CSGALNACT1: variants seen among roughly 807,000 people sequenced by gnomAD.
CSGALNACT1 encodes the protein beta4GalNAcT-1.
A neutral mutation model predicts 51.0 loss-of-function variants in CSGALNACT1; 52 were observed. That is an observed-to-expected ratio of 1.02 (90% CI 0.82 to 1.29). CSGALNACT1 has a LOEUF of 1.29. CSGALNACT1 is among the 50% of genes most tolerant of loss of function. CSGALNACT1 has a pLI of 0.00. For missense variants in CSGALNACT1, 935 were observed against 679.2 expected (o/e 1.38, Z -4.19); for synonymous variants, 341 against 254.4 (o/e 1.34, Z -3.24).
chr8:19,682,538 G>A (rs1046227847), exon 1 of CSGALNACT1: 24 of 426,072 alleles, frequency 5.6e-5, no homozygotes, highest in African/African-American at 2.4e-4. Flanking sequence ...GGTCTTTCCC[G>A]GTCTTTGCTG....
At chr8:19,533,826 T>A (rs1213816201) in intron 3 of CSGALNACT1, among the ~76,000 whole-genome samples, 1 of 152,148 alleles carries the variant, frequency 6.6e-6, no homozygotes, top group Non-Finnish European at 1.5e-5. Context: ...ACATATGCAG[T>A]CTAATTGGGA....
At chr8:19,420,826 G>T (rs546912303) in intron 6 of CSGALNACT1, among the ~76,000 whole-genome samples, 1 of 152,114 alleles carries the variant, frequency 6.6e-6, no homozygotes, top group Non-Finnish European at 1.5e-5. Context: ...ACTTGAACCA[G>T]GTAAGACTAG....
At chr8:19,449,141 T>C (rs2062641170) in intron 5 of CSGALNACT1, among the ~76,000 whole-genome samples, 1 of 152,178 alleles carries the variant, frequency 6.6e-6, no homozygotes, top group Non-Finnish European at 1.5e-5. Context: ...CATTTCAAAA[T>C]AGAAAATGAG....
intron 3 of CSGALNACT1, among the ~76,000 whole-genome samples, chr8:19,552,704 A>C (rs540107697): frequency 1.8e-4 from 28 of 152,308 alleles, no homozygotes; most frequent in South Asian, 6.2e-4. Context: ...TGATGTTTTC[A>C]ATTTTTCTTT....
At chr8:19,412,274 G>C (rs942877855) in intron 8 of CSGALNACT1, among the ~76,000 whole-genome samples, 1 of 152,214 alleles carries the variant, frequency 6.6e-6, no homozygotes, top group Admixed American at 6.5e-5. Context: ...TGTCAGCCCT[G>C]CTCTCTCACA....
intron 3 of CSGALNACT1, among the ~76,000 whole-genome samples, chr8:19,543,326 C>G (rs1403780924): frequency 6.6e-6 from 1 of 152,210 alleles, no homozygotes; most frequent in African/African-American, 2.4e-5. Context: ...AAAGTGTTAA[C>G]ATAGCACGCC....
intron 3 of CSGALNACT1, among the ~76,000 whole-genome samples, chr8:19,558,969 T>C (rs1192387639): frequency 1.3e-5 from 2 of 152,204 alleles, no homozygotes; most frequent in African/African-American, 4.8e-5. Context: ...CAAAGGAAGA[T>C]CATTTCCAAA....
intron 4 of CSGALNACT1, among the ~76,000 whole-genome samples, chr8:19,499,469 A>T (rs2076048157): frequency 6.6e-6 from 1 of 152,234 alleles, no homozygotes; most frequent in Non-Finnish European, 1.5e-5. Flanking sequence ...AATAAATAAT[A>T]AAAACAAACA....
At chr8:19,592,433 G>A (rs1217345515) in intron 2 of CSGALNACT1, among the ~76,000 whole-genome samples, 5 of 152,130 alleles carry the variant, frequency 3.3e-5, no homozygotes, top group Admixed American at 3.3e-4. Context: ...ACATGAGGGG[G>A]AACAAAGAGA....
At chr8:19,429,641 A>G (rs1266969262) in intron 6 of CSGALNACT1, among the ~76,000 whole-genome samples, 3 of 152,126 alleles carry the variant, frequency 2.0e-5, no homozygotes, top group Admixed American at 2.0e-4. Flanking sequence ...TAGATATTTG[A>G]GTTGTTTCTA....
At chr8:19,752,492 T>C (rs1202650556) in intron 1 of CSGALNACT1, among the ~76,000 whole-genome samples, 1 of 152,182 alleles carries the variant, frequency 6.6e-6, no homozygotes. Flanking sequence ...GAAACAGAAG[T>C]AGAAAGTCAC....
intron 4 of CSGALNACT1, among the ~76,000 whole-genome samples, chr8:19,468,405 T>C (rs928344578): frequency 6.6e-6 from 1 of 152,134 alleles, no homozygotes; most frequent in Non-Finnish European, 1.5e-5. Context: ...GGTCACATCA[T>C]GTGGATCCCC....
At chr8:19,549,023 C>A (rs971466828) in intron 3 of CSGALNACT1, among the ~76,000 whole-genome samples, 15 of 152,086 alleles carry the variant, frequency 9.9e-5, no homozygotes, top group African/African-American at 3.6e-4. Context: ...CACTATGTTG[C>A]CCATGTTGGT....
chr8:19,465,528 T>C (rs888708376), intron 4 of CSGALNACT1, among the ~76,000 whole-genome samples: 4 of 152,230 alleles, frequency 2.6e-5, no homozygotes, highest in Non-Finnish European at 5.9e-5. Flanking sequence ...ATAACTGCTG[T>C]CCTCTGAAAA....
chr8:19,485,758 G>GTTT (rs2072729923), intron 4 of CSGALNACT1, among the ~76,000 whole-genome samples: 10 of 23,430 alleles, frequency 4.3e-4, no homozygotes, highest in Non-Finnish European at 5.7e-4. Context: ...ACCTCAGCTT[G>GTTT]CTTTTTTTTT....
intron 1 of CSGALNACT1, among the ~76,000 whole-genome samples, chr8:19,648,921 T>C (rs1250780320): frequency 1.3e-5 from 2 of 152,222 alleles, no homozygotes; most frequent in Admixed American, 6.5e-5. Context: ...AGTAGCTCTA[T>C]ACCTAATAAA....
rs768597936 is a variant in CSGALNACT1 at position 19,676,093 on chromosome 8, AAACAAAAC to A, written c.-544+6372_-544+6379del. Among the ~76,000 whole-genome samples, 24 of 119,762 alleles carry A rather than the reference AAACAAAAC, an allele frequency of 2.0e-4. 3 individuals are homozygous for A. The highest frequency in any genetic ancestry group is 5.9e-4 in the East Asian group (3 of 5,084). 78.6% of individuals were successfully genotyped at this position (119,762 alleles called of 152,430 possible). A position where few individuals can be genotyped will look rare whatever the true frequency, so the allele number is the denominator to read the frequency against. ...TGGTGGTTGTCTGATTTAAAAAACAAAACAAAACAAAAAAAACTCCCAGATTACAAAAG... is the reference window on the plus strand; with the variant it reads ...TGGTGGTTGTCTGATTTAAAAAACAAAAAAAAAACTCCCAGATTACAAAAG... On this transcript the variant is annotated intron_variant, in intron 1 of 9. Transcript: ENST00000332246.
At chr8:19,535,196 TG>T (rs2083500393) in intron 3 of CSGALNACT1, among the ~76,000 whole-genome samples, 1 of 151,798 alleles carries the variant, frequency 6.6e-6, no homozygotes, top group Non-Finnish European at 1.5e-5. Flanking sequence ...TGACAACATT[TG>T]AAAAAAAAAT....
intron 1 of CSGALNACT1, among the ~76,000 whole-genome samples, chr8:19,658,456 G>A (rs781255976): frequency 5.3e-5 from 8 of 152,158 alleles, no homozygotes; most frequent in South Asian, 2.1e-4. Flanking sequence ...ACAAGAGGCC[G>A]GGCATGGTGG....
Sources: gnomAD v4.1 joint callset for allele counts (sites outside exome capture counted in the v4.1 genomes callset) on GRCh38, gnomAD v4.1.1 for gene constraint, MANE v1.5 for transcripts, NCBI Gene and HGNC (gene_info 2026-07-23, HGNC 2026-07-21) for gene names.